AFF3: variants seen among roughly 807,000 people sequenced by gnomAD.
The protein encoded by AFF3 is ALF transcription elongation factor 3.
In AFF3, 32 loss-of-function variants were observed where a neutral mutation model predicts 129.7. The observed-to-expected ratio is 0.25, with a 90% CI of 0.19 to 0.33. The LOEUF (loss-of-function observed/expected upper bound fraction) is 0.33. Ranked by LOEUF, AFF3 falls within the 10% of genes least tolerant of loss-of-function variation. The pLI, the probability that AFF3 is intolerant of heterozygous loss-of-function variation, is 1.00. For synonymous variants in AFF3, 644 were observed against 635.4 expected, an observed-to-expected ratio of 1.01 and a Z score of -0.20; for missense variants, 1,373 against 1,592.0, an observed-to-expected ratio of 0.86 and a Z score of 2.34.
rs1317639334 is a variant in AFF3, at chr2:99,593,725, T to C, written c.1936A>G (p.Thr646Ala). 2 of 1,612,478 alleles carry C rather than the reference T, an allele frequency of 1.2e-6. No homozygotes were observed. The highest frequency in any genetic ancestry group is 1.7e-6 in the Non-Finnish European group (2 of 1,179,502). The part of the protein sequence containing the change: ...SHRKELRSSV[T>A]CEKRRTRGLS... ...CCCCGCGTGCGGCGCTTCTCGCAGGTCACGGAGGAGCGCAGCTCCTTGCGG... is the reference window on the plus strand; with the variant it reads ...CCCCGCGTGCGGCGCTTCTCGCAGGCCACGGAGGAGCGCAGCTCCTTGCGG... The change falls in exon 15 of 25, where the codon ACC (threonine) becomes GCC (alanine). Residue 646 changes from threonine (T) to alanine (A), a missense_variant. By Grantham distance (58) the Thr-to-Ala change is moderately conservative (BLOSUM62 0). Transcript: ENST00000672756.
intron 8 of AFF3, among the ~76,000 whole-genome samples, chr2:99,785,191 G>A (rs1004898686): frequency 6.6e-6 from 1 of 152,098 alleles, no homozygotes; most frequent in Admixed American, 6.6e-5. Flanking sequence ...GTTCTTAATC[G>A]AACTCTGGCA....
chr2:99,763,075 C>T (rs962177594), intron 8 of AFF3, among the ~76,000 whole-genome samples: 1 of 152,226 alleles, frequency 6.6e-6, no homozygotes, highest in African/African-American at 2.4e-5. Flanking sequence ...CGGGCCTGTA[C>T]CTGGGACACC....
intron 7 of AFF3, among the ~76,000 whole-genome samples, chr2:99,940,209 GGGATTATA>G (rs2106338262): frequency 6.6e-6 from 1 of 152,250 alleles, no homozygotes; most frequent in South Asian, 2.1e-4. Flanking sequence ...GCTTTCTTCT[GGGATTATA>G]AAGTACTTCA....
intron 13 of AFF3, among the ~76,000 whole-genome samples, chr2:99,640,367 T>C (rs1309851561): frequency 5.3e-5 from 8 of 152,108 alleles, no homozygotes; most frequent in African/African-American, 1.7e-4. Context: ...TGCGATGAGG[T>C]AATTACTATC....
At chr2:99,905,992 G>C (rs2106169080) in intron 7 of AFF3, among the ~76,000 whole-genome samples, 1 of 152,034 alleles carries the variant, frequency 6.6e-6, no homozygotes, top group Non-Finnish European at 1.5e-5. Context: ...TTAAATTCAG[G>C]CCTGACTAAT....
At chr2:99,755,805 G>C (rs1341971542) in intron 8 of AFF3, among the ~76,000 whole-genome samples, 3 of 152,090 alleles carry the variant, frequency 2.0e-5, no homozygotes, top group Non-Finnish European at 4.4e-5. Context: ...TTTCTCATCC[G>C]GTAAAAATCG....
intron 7 of AFF3, among the ~76,000 whole-genome samples, chr2:99,943,585 T>G (rs929789577): frequency 6.6e-6 from 1 of 152,242 alleles, no homozygotes. Flanking sequence ...CTGAAAACTA[T>G]GACTTTATCA....
Position 99,554,696 on chromosome 2 carries a change from C to T in AFF3, c.3322G>A (p.Gly1108Arg), listed in dbSNP as rs542558981. 6.2e-7 allele frequency: 1 copy of T among 1,614,186 alleles called. No individual in the cohort carries two copies. Among genetic ancestry groups the T allele is most frequent in the South Asian group, 1.1e-5 (1 of 91,080 alleles). ...AAGCGAACTTACTTTCCACTGGCCC[C>T]CCACGGAGATGGGGCTTGGGCGGCT... ...SKAAQAPSPW[G>R]ASGKSTGTPS... is the part of the protein sequence containing the mutation. Residue 1108 changes from glycine to arginine, a missense_variant, in exon 23 of 25, where the codon GGG becomes AGG. Physicochemically the swap from Gly to Arg is moderately radical, Grantham distance 125 (BLOSUM62 -2). Around this residue, in one of 9 missense-constraint regions of AFF3, gnomAD observed 165 missense variants for 234.0 expected, o/e 0.71. Transcript: ENST00000672756.
intron 11 of AFF3, 130 bp from the exon 12 acceptor site, chr2:99,672,719 AT>A (rs936549889): frequency 2.7e-5 from 24 of 874,128 alleles, no homozygotes; most frequent in South Asian, 5.4e-5. Context: ...TTGATTTCCT[AT>A]TTTTTTTCTT....
intron 13 of AFF3, among the ~76,000 whole-genome samples, chr2:99,641,786 G>A (rs890486897): frequency 1.3e-5 from 2 of 152,124 alleles, no homozygotes; most frequent in Non-Finnish European, 2.9e-5. Context: ...GAGAGTCGTC[G>A]CGAGGACTAA....
rs1007714112 is a variant in AFF3 at position 99,820,758 on chromosome 2, A to T, written c.921+16719T>A. ...TTTTTCCTATTTTTAAGGTTTTTAA[A>T]TTTTTTTCTTACTTTTAAAACTTTT... On this transcript the variant is annotated intron_variant, in intron 8 of 24. Transcript: ENST00000672756. Among the ~76,000 whole-genome samples, 6 of 142,620 alleles carry T rather than the reference A, an allele frequency of 4.2e-5. 1 individual carries two copies. The highest frequency in any genetic ancestry group is 4.1e-4 in the East Asian group (2 of 4,914). 93.6% of individuals were successfully genotyped at this position (142,620 alleles called of 152,430 possible).
rs1162218667 is a variant in AFF3 at position 99,826,519 on chromosome 2, C to T, written c.921+10958G>A. Among the ~76,000 whole-genome samples the T allele has an allele frequency of 2.6e-5, 4 of 152,256 alleles. No homozygotes were observed. In the East Asian group the frequency reaches 7.7e-4, roughly 29 times the overall value. ...AAAGGCTTCCTGGAGGGAGTGACAT[C>T]TCTAGTGAGGCTTGGAAGATATGCA... On this transcript the variant is annotated intron_variant, in intron 8 of 24. Transcript: ENST00000672756.
chr2:99,802,340 C>G (rs972729649), intron 8 of AFF3, among the ~76,000 whole-genome samples: 1 of 152,166 alleles, frequency 6.6e-6, no homozygotes, highest in African/African-American at 2.4e-5. Context: ...ATCATGAAGT[C>G]TGACTGCATT....
At chr2:100,124,689 T>A (rs1692115606) in intron 2 of AFF3, among the ~76,000 whole-genome samples, 1 of 151,830 alleles carries the variant, frequency 6.6e-6, no homozygotes, top group Non-Finnish European at 1.5e-5. Context: ...GTGTATCAGG[T>A]CTTCAGGAAA....
At chr2:99,755,733 G>A (rs1262646192) in intron 8 of AFF3, among the ~76,000 whole-genome samples, 2 of 152,132 alleles carry the variant, frequency 1.3e-5, no homozygotes, top group African/African-American at 4.8e-5. Flanking sequence ...TTGAAGATTC[G>A]GAATCTTGGC....
chr2:100,104,199 G>A (rs1179258143), intron 4 of AFF3, among the ~76,000 whole-genome samples: 4 of 152,018 alleles, frequency 2.6e-5, no homozygotes, highest in Non-Finnish European at 5.9e-5. Context: ...GAGGGGAACA[G>A]GAGAGGGGGA....
At chr2:100,019,776 C>T (rs1683433105) in intron 4 of AFF3, among the ~76,000 whole-genome samples, 1 of 152,026 alleles carries the variant, frequency 6.6e-6, no homozygotes, top group Non-Finnish European at 1.5e-5. Context: ...GCCTCAATTT[C>T]CCTCCTCCAA....
At chr2:99,694,243 G>A (rs1272033687) in intron 11 of AFF3, among the ~76,000 whole-genome samples, 1 of 152,202 alleles carries the variant, frequency 6.6e-6, no homozygotes, top group African/African-American at 2.4e-5. Flanking sequence ...ATACATTAGA[G>A]ATAGGTGCTT....
rs1482804641 is a variant in AFF3, at chr2:99,593,235, G to C, written c.2426C>G (p.Pro809Arg). 2 of 1,604,740 alleles carry C rather than the reference G, an allele frequency of 1.2e-6. No homozygotes were observed. Among genetic ancestry groups the C allele is most frequent in the Non-Finnish European group, 1.7e-6 (2 of 1,173,484 alleles). Residue 809 changes from proline to arginine, a missense_variant, in exon 15 of 25, where the codon CCT becomes CGT. Coordinates refer to ENST00000672756, the MANE Select transcript of AFF3 (RefSeq NM_001386135.1). ...SAPPSHTSDTPAEKALPKSKR... is the reference protein window; with the variant it reads ...SAPPSHTSDTRAEKALPKSKR... ...GGATTTTGGCAAAGCCTTTTCTGCA[G>C]GTGTGTCCGAGGTGTGGCTGGGCGG...
Sources: gnomAD v4.1 joint callset for allele counts (sites outside exome capture counted in the v4.1 genomes callset) on GRCh38, gnomAD v4.1.1 for gene constraint, gnomAD v4.1.1 regional missense constraint, MANE v1.5 for transcripts, NCBI Gene and HGNC (gene_info 2026-07-23, HGNC 2026-07-21) for gene names.